The following GTF2E1 variants were observed in gnomAD, a reference collection of about 807,000 sequenced individuals.
GTF2E1 encodes the protein general transcription factor IIE subunit 1, also known as TFIIE alpha subunit.
In GTF2E1, 14 loss-of-function variants were observed where a neutral mutation model predicts 34.9. The ratio of observed to expected loss-of-function variants is 0.40; its 90% CI spans 0.27 to 0.63. The LOEUF (loss-of-function observed/expected upper bound fraction) is 0.63. Among genes scored for constraint, GTF2E1 ranks in the 20% least tolerant of loss-of-function variants. The pLI, the probability that GTF2E1 is intolerant of heterozygous loss-of-function variation, is 0.39. For missense variants in GTF2E1, 469 were observed against 557.7 expected (o/e 0.84, Z 1.60); for synonymous variants, 188 against 192.9 (o/e 0.97, Z 0.21).
intron 1 of GTF2E1, 87 bp from the exon 2 acceptor site, chr3:120,750,436 T>C: frequency 2.6e-6 from 2 of 756,192 alleles, no homozygotes; most frequent in South Asian, 1.7e-5. Flanking sequence ...TTAAACACTT[T>C]GGGTACTTTT....
intron 1 of GTF2E1, among the ~76,000 whole-genome samples, chr3:120,745,257 G>C (rs57378115): frequency 0.018 from 2,673 of 152,186 alleles, 79 homozygotes; most frequent in African/African-American, 0.061. Context: ...AATTTTCTGA[G>C]GTCAGGGGGC....
At chr3:120,756,047 AT>A (rs1267913815) in intron 2 of GTF2E1, among the ~76,000 whole-genome samples, 3 of 152,172 alleles carry the variant, frequency 2.0e-5, no homozygotes, top group Non-Finnish European at 4.4e-5. Flanking sequence ...AATCTTAGCT[AT>A]TGTGAACAGT....
At chr3:120,747,817 C>T (rs996383477) in intron 1 of GTF2E1, among the ~76,000 whole-genome samples, 21 of 152,172 alleles carry the variant, frequency 1.4e-4, no homozygotes, top group Admixed American at 9.2e-4. Flanking sequence ...CCTGAGGAAT[C>T]GCCACACTGA....
At position 120,753,121 on chromosome 3, in the gene GTF2E1, G is replaced by GT. The variant is rs1350700943; in HGVS notation, c.448+2132dup. Among the ~76,000 whole-genome samples the GT allele has an allele frequency of 2.6e-3, 373 of 144,376 alleles. 3 individuals carry two copies. The highest frequency in any genetic ancestry group is 9.4e-3 in the Admixed American group (137 of 14,528). The allele number at this position is 144,376 out of a possible 152,430, so 94.7% of individuals were successfully genotyped here. On this transcript the variant is annotated intron_variant, in intron 2 of 4. Coordinates refer to ENST00000283875, the MANE Select transcript of GTF2E1 (RefSeq NM_005513.3). ...TTCTGATGTTTTGAGTTTTGTTTTT[G>GT]TTTTTTTTTTTAAACTATTAATACC...
chr3:120,776,497 A>G lies in GTF2E1; in HGVS notation c.725A>G (p.Lys242Arg). ...GGHHREAWAT[K>R]GPSYEDLYTQ... is the part of the protein sequence containing the mutation. ...CACCACCGGGAAGCATGGGCCACCA[A>G]AGGTCCTTCCTATGAAGACTTATAC... Residue 242 changes from lysine (K) to arginine (R), a missense_variant, in exon 4 of 5, where the codon AAA becomes AGA. Coordinates refer to ENST00000283875, the MANE Select transcript of GTF2E1 (RefSeq NM_005513.3). 2 of 1,613,968 alleles carry G rather than the reference A, an allele frequency of 1.2e-6. No homozygotes were observed. The highest frequency in any genetic ancestry group is 2.2e-5 in the South Asian group (2 of 91,068).
intron 2 of GTF2E1, among the ~76,000 whole-genome samples, chr3:120,763,661 G>C (rs1709283692): frequency 6.6e-6 from 1 of 152,100 alleles, no homozygotes; most frequent in South Asian, 2.1e-4. Flanking sequence ...GAGTGAAGGG[G>C]AGTAAAAAAC....
chr3:120,777,228 G>A (rs372056874), intron 4 of GTF2E1, among the ~76,000 whole-genome samples: 4 of 152,144 alleles, frequency 2.6e-5, no homozygotes, highest in East Asian at 3.8e-4. Context: ...ACTAATCTTC[G>A]GAAGTTAGAG....
chr3:120,743,435 G>A (rs1027469794), intron 1 of GTF2E1, among the ~76,000 whole-genome samples: 4 of 152,162 alleles, frequency 2.6e-5, no homozygotes, highest in Non-Finnish European at 5.9e-5. Flanking sequence ...GGGGGAAGCT[G>A]GCAAGATGAG....
chr3:120,771,626 C>T (rs995647735), intron 3 of GTF2E1, among the ~76,000 whole-genome samples: 2 of 152,130 alleles, frequency 1.3e-5, no homozygotes, highest in Admixed American at 1.3e-4. Flanking sequence ...TCACTTCACC[C>T]ACTCCCTTCC....
chr3:120,757,882 C>T (rs913502533), intron 2 of GTF2E1, among the ~76,000 whole-genome samples: 2 of 152,178 alleles, frequency 1.3e-5, no homozygotes, highest in South Asian at 2.1e-4. Flanking sequence ...TAATATATGG[C>T]TGGGAGCGAT....
intron 4 of GTF2E1, among the ~76,000 whole-genome samples, chr3:120,778,768 T>C (rs1213702589): frequency 1.3e-5 from 2 of 152,222 alleles, no homozygotes; most frequent in Admixed American, 1.3e-4. Flanking sequence ...CAAAAACTTC[T>C]AGAAACACGT....
intron 2 of GTF2E1, among the ~76,000 whole-genome samples, chr3:120,751,509 GAT>G (rs1434860197): frequency 3.3e-5 from 5 of 152,124 alleles, no homozygotes; most frequent in Non-Finnish European, 7.4e-5. Flanking sequence ...TTCTTTCCAA[GAT>G]AAGACATTTA....
intron 2 of GTF2E1, among the ~76,000 whole-genome samples, chr3:120,759,633 A>G (rs898040565): frequency 6.6e-6 from 1 of 152,058 alleles, no homozygotes; most frequent in Non-Finnish European, 1.5e-5. Context: ...TAAGGAAGGG[A>G]TTCAATTTCA....
intron 1 of GTF2E1, among the ~76,000 whole-genome samples, chr3:120,744,300 A>G (rs1012077724): frequency 6.6e-6 from 1 of 152,194 alleles, no homozygotes; most frequent in Non-Finnish European, 1.5e-5. Context: ...TTGAGTAAGG[A>G]GATTCAGCGT....
At chr3:120,748,158 T>C (rs1166942262) in intron 1 of GTF2E1, among the ~76,000 whole-genome samples, 3 of 152,248 alleles carry the variant, frequency 2.0e-5, no homozygotes, top group Admixed American at 6.5e-5. Context: ...TAGCCCTTTG[T>C]CAGATGAAAA....
rs1315041889 is a variant in GTF2E1, at chr3:120,782,376, T to G, written c.*906T>G. On this transcript the variant is annotated 3_prime_UTR_variant, in exon 5 of 5. Coordinates refer to ENST00000283875, the MANE Select transcript of GTF2E1 (RefSeq NM_005513.3). ...TTTGTGTCTTTAGAACTGACCAGAC[T>G]GGTAGATTTTATTGTATTGCTTAAT... The G allele has an allele frequency of 6.6e-6, 1 of 152,232 alleles. No individual in the cohort carries two copies. The highest frequency in any genetic ancestry group is 1.9e-4 in the East Asian group (1 of 5,196). 9.4% of individuals were successfully genotyped at this position (152,232 alleles called of 1,614,324 possible). A position where few individuals can be genotyped will look rare whatever the true frequency, so the allele number is the denominator to read the frequency against.
intron 2 of GTF2E1, 67 bp from the exon 3 acceptor site, chr3:120,770,661 G>T (rs1709343498): frequency 1.9e-6 from 2 of 1,059,416 alleles, no homozygotes; most frequent in Admixed American, 3.5e-5. Context: ...GATATTGGGG[G>T]AGGGTGGAGG....
chr3:120,750,496 T>A, intron 1 of GTF2E1, 27 bp from the exon 2 acceptor site: 2 of 1,389,916 alleles, frequency 1.4e-6, no homozygotes, highest in African/African-American at 1.4e-5. Flanking sequence ...TATACCTGGC[T>A]AATTTTCTGT....
At chr3:120,749,971 T>C (rs1250745501) in intron 1 of GTF2E1, 2 of 152,308 alleles carry the variant, frequency 1.3e-5, no homozygotes, top group Non-Finnish European at 2.9e-5. Flanking sequence ...ACTGTCTGGA[T>C]CTAAGTATTA....
Sources: allele counts gnomAD v4.1 joint callset (sites outside exome capture counted in the v4.1 genomes callset), GRCh38; gene constraint gnomAD v4.1.1; transcripts MANE v1.5; gene names NCBI Gene and HGNC (gene_info 2026-07-23, HGNC 2026-07-21).